Variants in OTOA observed in about 807,000 individuals in gnomAD.
The protein encoded by OTOA is cancer/testis antigen 108.
A neutral mutation model predicts 110.8 loss-of-function variants in OTOA; 70 were observed. The observed-to-expected ratio is 0.63, with a 90% CI of 0.52 to 0.77. The LOEUF (loss-of-function observed/expected upper bound fraction) is 0.77. Ranked by LOEUF, OTOA falls within the 30% of genes least tolerant of loss-of-function variation. The probability of loss-of-function intolerance (pLI) is 0.00; values close to 1 mark genes in which losing one functional copy is unlikely to be tolerated. For synonymous variants in OTOA, 373 were observed against 431.5 expected (o/e 0.86, Z 1.68); for missense variants, 917 against 1,075.8 (o/e 0.85, Z 2.06).
chr16:21,703,151 T>C (rs915180391), intron 11 of OTOA, among the ~76,000 whole-genome samples: 6 of 152,138 alleles, frequency 3.9e-5, no homozygotes, highest in African/African-American at 1.4e-4. Flanking sequence ...TTAGCAATTT[T>C]TGAGTATATG....
intron 7 of OTOA, among the ~76,000 whole-genome samples, chr16:21,686,963 G>C (rs1897727466): frequency 6.6e-6 from 1 of 152,168 alleles, no homozygotes; most frequent in Non-Finnish European, 1.5e-5. Flanking sequence ...AGAACCACGG[G>C]CTTGGAGGAA....
intron 1 of OTOA, among the ~76,000 whole-genome samples, chr16:21,665,807 A>T (rs905340009): frequency 3.3e-5 from 5 of 151,760 alleles, no homozygotes; most frequent in African/African-American, 1.2e-4. Flanking sequence ...CTAGTCCACC[A>T]AGCTCCCATC....
intron 21 of OTOA, among the ~76,000 whole-genome samples, chr16:21,733,498 A>G (rs986668520): frequency 6.6e-6 from 1 of 152,032 alleles, no homozygotes; most frequent in African/African-American, 2.4e-5. Flanking sequence ...CTGTGACTCT[A>G]ATTCTGAAGA....
At chr16:21,722,599 T>G (rs572247119) in intron 17 of OTOA, among the ~76,000 whole-genome samples, 1 of 152,266 alleles carries the variant, frequency 6.6e-6, no homozygotes, top group Admixed American at 6.5e-5. Context: ...TTCCATTGTA[T>G]GTATATACCA....
rs1898803732 is a variant in OTOA, at chr16:21,722,942, GA to G, written c.1845del (p.Arg615SerfsTer29). 6.2e-7 allele frequency: 1 copy of G among 1,614,054 alleles called. No individual in the cohort carries two copies. The highest frequency in any genetic ancestry group is 8.5e-7 in the Non-Finnish European group (1 of 1,180,030). On this transcript the variant is annotated frameshift_variant, in exon 18 of 29. Coordinates refer to ENST00000646100, the MANE Select transcript of OTOA (RefSeq NM_144672.4). LOFTEE classifies it high-confidence loss of function. The stretch of plus-strand genomic sequence containing the variant: ...GCGTGGAAATACTGGGAAGTTTCCA[GA>G]TTGTCTATGCCACCTTTCCTCTTGG... ...CLAWKYWEVS[R>X]LSMPPFLLAA...
chr16:21,686,652 C>T (rs550548245), intron 7 of OTOA, among the ~76,000 whole-genome samples: 1 of 152,064 alleles, frequency 6.6e-6, no homozygotes, highest in Admixed American at 6.5e-5. Flanking sequence ...TACCTGTAAC[C>T]CTAGCACTTT....
chr16:21,664,185 CCA>C lies in OTOA; in HGVS notation c.-50_-49del, dbSNP rs1966822484. 6.6e-6 allele frequency: 1 copy of C among 152,142 alleles called. No homozygotes were observed. Among genetic ancestry groups the C allele is most frequent in the South Asian group, 2.1e-4 (1 of 4,852 alleles). The allele number at this position is 152,142 out of a possible 1,614,324, so 9.4% of individuals were successfully genotyped here. ...ATGAGCCCCGCGGCCCCGCCCTGCGCCACCCGCCCGCCCGTGGGACTCAGTGC... is the reference window on the plus strand; with the variant it reads ...ATGAGCCCCGCGGCCCCGCCCTGCGCCCCGCCCGCCCGTGGGACTCAGTGC... On this transcript the variant is annotated 5_prime_UTR_variant, in exon 1 of 29. Transcript: ENST00000646100.
Position 21,664,198 on chromosome 16 carries a change from C to G in OTOA, c.-39C>G, listed in dbSNP as rs185051014. ...CCCCGCCCTGCGCCACCCGCCCGCC[C>G]GTGGGACTCAGTGCGGCCAAGCCGG... On this transcript the variant is annotated 5_prime_UTR_variant, in exon 1 of 29. Transcript: ENST00000646100. The G allele has an allele frequency of 7.2e-3, 1,091 of 152,268 alleles. 12 individuals carry two copies. The highest frequency in any genetic ancestry group is 0.036 in the South Asian group (175 of 4,838). The allele number at this position is 152,268 out of a possible 1,614,324, so 9.4% of individuals were successfully genotyped here.
chr16:21,705,458 C>A, intron 12 of OTOA, 166 bp downstream of exon 12: 1 of 1,029,518 alleles, frequency 9.7e-7, no homozygotes, highest in Non-Finnish European at 1.4e-6. Flanking sequence ...AGTGTAACAT[C>A]GAAGCCCAGA....
chr16:21,717,223 C>T (rs865810089), intron 15 of OTOA, among the ~76,000 whole-genome samples, 176 bp downstream of exon 15: 22 of 152,054 alleles, frequency 1.4e-4, no homozygotes, highest in Middle Eastern at 3.4e-3. Flanking sequence ...GATCGCTTGA[C>T]GCCAGGAGTT....
At chr16:21,732,551 G>A (rs968070966) in intron 21 of OTOA, among the ~76,000 whole-genome samples, 4 of 151,968 alleles carry the variant, frequency 2.6e-5, no homozygotes, top group Admixed American at 6.6e-5. Context: ...GGTCCTCATA[G>A]TTTAGCTCCC....
At position 21,721,266 on chromosome 16, in the gene OTOA, CACACACACACACAA is replaced by C. The variant is rs1263801210; in HGVS notation, c.1807-1635_1807-1622del. The C allele has an allele frequency of 1.8e-5, 8 of 452,834 alleles. No homozygotes were observed. The East Asian group carries it at 2.8e-4, about 16-fold the overall frequency. 28.1% of individuals were successfully genotyped at this position (452,834 alleles called of 1,614,324 possible). On this transcript the variant is annotated intron_variant, in intron 17 of 28. Transcript: ENST00000646100. ...ACACACACACACACACACACACACA[CACACACACACACAA>C]ACAACCAATACAGAGAAAGTAAAAT...
chr16:21,709,926 G>A lies in OTOA; in HGVS notation c.1143G>A (p.Gln381=), dbSNP rs1597829693. 2 of 1,614,028 alleles carry A rather than the reference G, an allele frequency of 1.2e-6. No homozygotes were observed. Among genetic ancestry groups the A allele is most frequent in the East Asian group, 4.5e-5 (2 of 44,882 alleles). ...AELLDIAMEN[Q]TLNETLGSLS... ...TCCTGGACATTGCCATGGAGAACCA[G>A]ACCCTCAATGAGACCCTGGGTTCTT... is the stretch of plus-strand genomic sequence containing the variant. Residue 381 remains glutamine, a synonymous_variant, in exon 13 of 29, where the codon CAG becomes CAA. Coordinates refer to ENST00000646100, the MANE Select transcript of OTOA (RefSeq NM_144672.4).
At chr16:21,712,492 T>C (rs145023167) in intron 13 of OTOA, among the ~76,000 whole-genome samples, 148 of 152,014 alleles carry the variant, frequency 9.7e-4, no homozygotes, top group Non-Finnish European at 1.4e-3. Context: ...GTTGAAAATG[T>C]AAGGGGCCCC....
intron 13 of OTOA, 25 bp from the exon 14 acceptor site, chr16:21,714,960 G>A: frequency 6.2e-7 from 1 of 1,613,748 alleles, no homozygotes; most frequent in South Asian, 1.1e-5. Flanking sequence ...AGCAGAGCCT[G>A]ACTGCGCAGC....
At position 21,704,998 on chromosome 16, in the gene OTOA, C is replaced by T. The variant is rs375800160; in HGVS notation, c.981-171C>T. 391 of 1,055,412 alleles carry T rather than the reference C, an allele frequency of 3.7e-4. 3 individuals are homozygous for T. The African/African-American group carries it at 5.0e-3, about 13-fold the overall frequency. The allele number at this position is 1,055,412 out of a possible 1,614,324, so 65.4% of individuals were successfully genotyped here. A position where few individuals can be genotyped will look rare whatever the true frequency, so the allele number is the denominator to read the frequency against. The stretch of plus-strand genomic sequence containing the variant: ...TGGTCTCGTCTGAGCAGTTAGGTTC[C>T]GCCTGTGGTTGCACATTTGGTTCAT... On this transcript the variant is annotated intron_variant, in intron 11 of 28. Coordinates refer to ENST00000646100, the MANE Select transcript of OTOA (RefSeq NM_144672.4).
chr16:21,684,010 G>A (rs1241975585), intron 6 of OTOA, among the ~76,000 whole-genome samples: 4 of 151,892 alleles, frequency 2.6e-5, no homozygotes, highest in Middle Eastern at 3.4e-3. Flanking sequence ...CTCATGATCC[G>A]CCTGTCTTGG....
At chr16:21,705,111 C>G in intron 11 of OTOA, 58 bp from the exon 12 acceptor site, 2 of 1,613,636 alleles carry the variant, frequency 1.2e-6, no homozygotes, top group Non-Finnish European at 1.7e-6. Context: ...AAAATTGAAC[C>G]AGAATGGGCT....
At chr16:21,685,442 C>A in intron 7 of OTOA, 81 bp downstream of exon 7, 1 of 1,572,948 alleles carries the variant, frequency 6.4e-7, no homozygotes, top group South Asian at 1.1e-5. Context: ...TGGAGCCTGA[C>A]TTAGGCCTTG....
Sources: allele counts gnomAD v4.1 joint callset (sites outside exome capture counted in the v4.1 genomes callset), GRCh38; gene constraint gnomAD v4.1.1; transcripts MANE v1.5; gene names NCBI Gene and HGNC (gene_info 2026-07-23, HGNC 2026-07-21).